Variants in ALPK2 observed in about 807,000 individuals in gnomAD.
ALPK2 encodes the protein alpha kinase 2.
ALPK2 carries 127 observed loss-of-function variants against 163.1 expected under a neutral mutation model. That is an observed-to-expected ratio of 0.78 (90% CI 0.67 to 0.90). ALPK2 has a LOEUF of 0.90. Among genes scored for constraint, ALPK2 ranks in the 40% least tolerant of loss-of-function variants. ALPK2 has a pLI of 0.00. For missense variants in ALPK2, 2,360 were observed against 2,589.6 expected (o/e 0.91, Z 1.92); for synonymous variants, 953 against 959.1 (o/e 0.99, Z 0.12).
chr18:58,555,419 CT>C (rs1165684209), intron 4 of ALPK2, among the ~76,000 whole-genome samples: 1 of 152,204 alleles, frequency 6.6e-6, no homozygotes, highest in African/African-American at 2.4e-5. Flanking sequence ...CTGATTTTCT[CT>C]TCTTTGTCAA....
In ALPK2 at chr18:58,580,199, C is replaced by T. The variant is rs367797723; in HGVS notation, c.577G>A (p.Val193Ile). ...SVSSSENPLG[V>I]KGTRHTGEAY... ...TCTCCAGTGTGCCTTGTTCCTTTAA[C>T]ACCCAAAGGATTTTCAGAACTGGAC... Residue 193 changes from valine to isoleucine, a missense_variant, in exon 4 of 13, where the codon GTT becomes ATT. Physicochemically the swap from Val to Ile is conservative, Grantham distance 29. Coordinates refer to ENST00000361673, the MANE Select transcript of ALPK2 (RefSeq NM_052947.4). 6.8e-6 allele frequency: 11 copies of T among 1,614,206 alleles called. No homozygotes were observed. In the African/African-American group the frequency reaches 1.2e-4, roughly 18 times the overall value.
intron 10 of ALPK2, among the ~76,000 whole-genome samples, chr18:58,507,856 C>T (rs2051469580): frequency 6.6e-6 from 1 of 152,176 alleles, no homozygotes; most frequent in Non-Finnish European, 1.5e-5. Flanking sequence ...CAAAACAAAG[C>T]ACCTCCTTAC....
intron 4 of ALPK2, among the ~76,000 whole-genome samples, chr18:58,543,129 G>T (rs984337126): frequency 7.9e-5 from 12 of 152,144 alleles, no homozygotes; most frequent in Admixed American, 6.5e-5. Context: ...ACCTGAGGTG[G>T]CATAGAGCGT....
chr18:58,566,987 A>G (rs896774662), intron 4 of ALPK2, among the ~76,000 whole-genome samples: 1 of 151,748 alleles, frequency 6.6e-6, no homozygotes, highest in Admixed American at 6.6e-5. Context: ...CAGACCGCAT[A>G]TTAAAAATGC....
intron 10 of ALPK2, among the ~76,000 whole-genome samples, chr18:58,506,982 G>C (rs757910231): frequency 1.3e-5 from 2 of 152,120 alleles, no homozygotes; most frequent in African/African-American, 2.4e-5. Flanking sequence ...TTTGTAAATA[G>C]CCAGAGAAGA....
intron 1 of ALPK2, among the ~76,000 whole-genome samples, chr18:58,618,911 A>C (rs2052183990): frequency 6.6e-6 from 1 of 152,184 alleles, no homozygotes; most frequent in South Asian, 2.1e-4. Flanking sequence ...CAAGCAGACC[A>C]CAGGTAACCG....
At chr18:58,505,433 C>A (rs994745473) in intron 10 of ALPK2, among the ~76,000 whole-genome samples, 7 of 152,118 alleles carry the variant, frequency 4.6e-5, no homozygotes, top group African/African-American at 1.7e-4. Context: ...GGTCTGTGCC[C>A]ACACACTGCG....
At position 58,523,976 on chromosome 18, in the gene ALPK2, C is replaced by T; in HGVS notation, c.5588G>A (p.Ser1863Asn). ...AAATTCAGCAGTCACTTTTCCGTAG[C>T]TGTTCTTGATGCAGCAGTAATAGAG... Reference protein sequence around the residue: ...QGLYYCCIKNSYGKVTAEFNL... With the variant: ...QGLYYCCIKNNYGKVTAEFNL... The change falls in exon 7 of 13, where the codon AGC becomes AAC. Residue 1863 changes from serine to asparagine, a missense_variant. Coordinates refer to ENST00000361673, the MANE Select transcript of ALPK2 (RefSeq NM_052947.4). The T allele has an allele frequency of 6.2e-7, 1 of 1,614,180 alleles. No individual in the cohort carries two copies. The highest frequency in any genetic ancestry group is 8.5e-7 in the Non-Finnish European group (1 of 1,180,014).
chr18:58,544,668 T>C (rs1183278455), intron 4 of ALPK2: 2 of 152,236 alleles, frequency 1.3e-5, no homozygotes, highest in Non-Finnish European at 1.5e-5. Context: ...ATTTCAACGA[T>C]AAAATTCCTG....
intron 4 of ALPK2, among the ~76,000 whole-genome samples, chr18:58,565,608 A>C (rs1265501953): frequency 5.9e-5 from 9 of 152,328 alleles, no homozygotes; most frequent in Admixed American, 5.9e-4. Context: ...CCTGGAAATT[A>C]ATCTTTGTCT....
chr18:58,578,670 G>T, intron 4 of ALPK2, 144 bp downstream of exon 4: 1 of 790,382 alleles, frequency 1.3e-6, no homozygotes. Context: ...CCCTGATGGT[G>T]TTGGGAAACT....
In ALPK2 at chr18:58,536,322, C is replaced by G; in HGVS notation, c.3865G>C (p.Ala1289Pro). The change falls in exon 5 of 13, where the codon GCC becomes CCC. Residue 1289 changes from alanine (A) to proline (P), a missense_variant. Transcript: ENST00000361673. ...LKADAVVPELAPSEIAALAHS... is the reference protein window; with the variant it reads ...LKADAVVPELPPSEIAALAHS... ...GCCAATGCTGCTATTTCAGAGGGGG[C>G]CAATTCAGGCACAACAGCATCTGCC... The G allele has an allele frequency of 6.2e-7, 1 of 1,614,174 alleles. No homozygotes were observed. Among genetic ancestry groups the G allele is most frequent in the Non-Finnish European group, 8.5e-7 (1 of 1,180,022 alleles).
At chr18:58,526,741 T>A (rs2051587039) in intron 6 of ALPK2, among the ~76,000 whole-genome samples, 1 of 152,238 alleles carries the variant, frequency 6.6e-6, no homozygotes, top group Admixed American at 6.5e-5. Context: ...TATATTAGTC[T>A]TGCCCTACCC....
At chr18:58,498,786 TAA>T (rs2051415324) in intron 11 of ALPK2, among the ~76,000 whole-genome samples, 1 of 152,246 alleles carries the variant, frequency 6.6e-6, no homozygotes, top group Non-Finnish European at 1.5e-5. Context: ...TGCTGCCATG[TAA>T]GACGTGCCTT....
chr18:58,525,440 G>C (rs1351625668), intron 6 of ALPK2, among the ~76,000 whole-genome samples: 1 of 152,150 alleles, frequency 6.6e-6, no homozygotes, highest in Non-Finnish European at 1.5e-5. Flanking sequence ...TTCTGTCATT[G>C]AAAGGGGAAG....
At position 58,503,981 on chromosome 18, in the gene ALPK2, T is replaced by C. The variant is rs749897155; in HGVS notation, c.6197A>G (p.His2066Arg). ...GCCACTTGTTTTCTGGTACACCCAG[T>C]GCTGGAAGGTGCAACATTTCTGACC... ...EAGQKCCTFQ[H>R]WVYQKTSGCL... Residue 2066 changes from histidine to arginine, a missense_variant, in exon 11 of 13, where the codon CAC (histidine) becomes CGC (arginine). Physicochemically the swap from His to Arg is conservative, Grantham distance 29. Transcript: ENST00000361673. The C allele has an allele frequency of 3.1e-6, 5 of 1,614,202 alleles. No homozygotes were observed. The highest frequency in any genetic ancestry group is 3.3e-5 in the Admixed American group (2 of 60,020).
At position 58,537,032 on chromosome 18, in the gene ALPK2, G is replaced by A. The variant is rs769727633; in HGVS notation, c.3155C>T (p.Pro1052Leu). ...RASHEKVSQF[P>L]SQVQLDHILS... is the part of the protein sequence containing the mutation. ...AATATGATCCAACTGCACTTGGGAA[G>A]GAAATTGGGAAACCTTTTCATGGGA... Residue 1052 changes from proline to leucine, a missense_variant, in exon 5 of 13, where the codon CCT (proline) becomes CTT (leucine). Pro to Leu is a moderately conservative substitution (Grantham distance 98, BLOSUM62 -3). Coordinates refer to ENST00000361673, the MANE Select transcript of ALPK2 (RefSeq NM_052947.4). 3 of 1,613,798 alleles carry A rather than the reference G, an allele frequency of 1.9e-6. No individual in the cohort carries two copies. The highest frequency in any genetic ancestry group is 2.7e-5 in the African/African-American group (2 of 74,912).
chr18:58,602,618 C>G (rs906748037), intron 3 of ALPK2, among the ~76,000 whole-genome samples: 7 of 152,192 alleles, frequency 4.6e-5, no homozygotes, highest in African/African-American at 1.7e-4. Flanking sequence ...GTATACCAGT[C>G]ATTGAATTAG....
chr18:58,607,977 C>A (rs185686559), intron 2 of ALPK2, among the ~76,000 whole-genome samples: 1 of 152,302 alleles, frequency 6.6e-6, no homozygotes, highest in African/African-American at 2.4e-5. Context: ...ACCAGTGCTA[C>A]ACCTAACCCA....
Sources: gnomAD v4.1 joint callset for allele counts (sites outside exome capture counted in the v4.1 genomes callset) on GRCh38, gnomAD v4.1.1 for gene constraint, MANE v1.5 for transcripts, NCBI Gene and HGNC (gene_info 2026-07-23, HGNC 2026-07-21) for gene names.